The following ACMSD variants were observed in gnomAD, a reference collection of about 807,000 sequenced individuals.
ACMSD encodes the protein 2-amino-3-carboxymuconate-6-semialdehyde decarboxylase.
In ACMSD, 37 loss-of-function variants were observed where a neutral mutation model predicts 45.9. The ratio of observed to expected loss-of-function variants is 0.81; its 90% CI spans 0.62 to 1.06. ACMSD has a LOEUF of 1.06. Among genes scored for constraint, ACMSD ranks in the 50% least tolerant of loss-of-function variants. The pLI, the probability that ACMSD is intolerant of heterozygous loss-of-function variation, is 0.00. For missense variants in ACMSD, 434 were observed against 420.9 expected (o/e 1.03, Z -0.27); for synonymous variants, 138 against 148.8 (o/e 0.93, Z 0.53).
intron 2 of ACMSD, among the ~76,000 whole-genome samples, chr2:134,849,806 G>C (rs971436828): frequency 6.6e-6 from 1 of 152,178 alleles, no homozygotes; most frequent in African/African-American, 2.4e-5. Context: ...AACCTGCCAG[G>C]ATCTGCATGG....
At position 134,901,957 on chromosome 2, in the gene ACMSD, T is replaced by G. The variant is rs1690525557; in HGVS notation, c.*97T>G. ...TCAACAAAATCCTATTTTGAACTAT[T>G]TTACTCAGAAATGAATGTCCCAAAT... On this transcript the variant is annotated 3_prime_UTR_variant, in exon 10 of 10. Coordinates refer to ENST00000356140, the MANE Select transcript of ACMSD (RefSeq NM_138326.3). 4.8e-5 allele frequency: 38 copies of G among 791,650 alleles called. 1 individual carries two copies. In the East Asian group the frequency reaches 1.0e-3, roughly 22 times the overall value. 49.0% of individuals were successfully genotyped at this position (791,650 alleles called of 1,614,324 possible).
intron 8 of ACMSD, among the ~76,000 whole-genome samples, chr2:134,881,783 T>C (rs947286433): frequency 4.6e-5 from 7 of 151,500 alleles, no homozygotes; most frequent in African/African-American, 1.7e-4. Flanking sequence ...AGGTCAGGAG[T>C]TCAAGACCAG....
At chr2:134,847,855 CTTTTT>C (rs113677848) in intron 2 of ACMSD, among the ~76,000 whole-genome samples, 1 of 141,954 alleles carries the variant, frequency 7.0e-6, no homozygotes, top group Admixed American at 7.1e-5. Flanking sequence ...TCTTCTTTTT[CTTTTT>C]TTTTTTTTGA....
intron 8 of ACMSD, among the ~76,000 whole-genome samples, chr2:134,877,130 A>C (rs187589923): frequency 1.6e-4 from 24 of 152,332 alleles, no homozygotes; most frequent in Admixed American, 4.6e-4. Flanking sequence ...CACCAGCATC[A>C]CCACAAACAC....
chr2:134,891,704 A>G (rs945596674), intron 8 of ACMSD, among the ~76,000 whole-genome samples: 8 of 152,178 alleles, frequency 5.3e-5, no homozygotes, highest in African/African-American at 1.7e-4. Flanking sequence ...TAGAACTACA[A>G]TTCAATTCAG....
At chr2:134,866,964 G>A (rs1415544078) in intron 5 of ACMSD, among the ~76,000 whole-genome samples, 1 of 152,178 alleles carries the variant, frequency 6.6e-6, no homozygotes, top group Non-Finnish European at 1.5e-5. Flanking sequence ...CTGGGGATGG[G>A]TGAATGCCTG....
rs1460144043 is a variant in ACMSD, at chr2:134,901,894, A to G, written c.*34A>G. On this transcript the variant is annotated 3_prime_UTR_variant, in exon 10 of 10. Coordinates refer to ENST00000356140, the MANE Select transcript of ACMSD (RefSeq NM_138326.3). ...ACTACAAAGGCAAACTTTCAAAAGG[A>G]TATCTCATTTTTGTTTCTAAATATG... 7 of 1,532,268 alleles carry G rather than the reference A, an allele frequency of 4.6e-6. No homozygotes were observed. The highest frequency in any genetic ancestry group is 6.2e-6 in the Non-Finnish European group (7 of 1,122,398). 94.9% of individuals were successfully genotyped at this position (1,532,268 alleles called of 1,614,324 possible).
intron 3 of ACMSD, 32 bp from the exon 4 acceptor site, chr2:134,861,937 C>T (rs1351643380): frequency 6.2e-7 from 1 of 1,613,766 alleles, no homozygotes; most frequent in South Asian, 1.1e-5. Flanking sequence ...ATTCTTCTCA[C>T]CAGCTTTGCC....
intron 1 of ACMSD, 42 bp downstream of exon 1, chr2:134,838,781 C>G: frequency 6.7e-7 from 1 of 1,486,348 alleles, no homozygotes; most frequent in Non-Finnish European, 9.4e-7. Context: ...GAAACTTCTC[C>G]AGGGTTTCTC....
At chr2:134,871,907 T>C (rs991972313) in intron 7 of ACMSD, among the ~76,000 whole-genome samples, 2 of 151,922 alleles carry the variant, frequency 1.3e-5, no homozygotes, top group African/African-American at 4.8e-5. Flanking sequence ...GCTATTATAA[T>C]CACACTATAT....
chr2:134,870,837 A>G, intron 6 of ACMSD, 128 bp from the exon 7 acceptor site: 1 of 719,534 alleles, frequency 1.4e-6, no homozygotes, highest in Non-Finnish European at 2.3e-6. Flanking sequence ...TATATAATAC[A>G]GCCAAACTAT....
rs191756635 is a variant in ACMSD, at chr2:134,897,620, C to G, written c.850-721C>G. Among the ~76,000 whole-genome samples the G allele has an allele frequency of 2.3e-3, 352 of 152,154 alleles. 13 individuals carry two copies. The highest frequency in any genetic ancestry group is 0.021 in the Admixed American group (319 of 15,282). ...TAAATTGCCATTATTGACATAATAT[C>G]TTTCTCACTTGATTATGAGTTCCTT... On this transcript the variant is annotated intron_variant, in intron 8 of 9. Coordinates refer to ENST00000356140, the MANE Select transcript of ACMSD (RefSeq NM_138326.3).
intron 2 of ACMSD, among the ~76,000 whole-genome samples, chr2:134,857,527 C>G (rs1464648488): frequency 6.6e-6 from 1 of 152,036 alleles, no homozygotes; most frequent in Non-Finnish European, 1.5e-5. Flanking sequence ...TTTTATATAT[C>G]AATTTTGTAT....
intron 9 of ACMSD, among the ~76,000 whole-genome samples, chr2:134,898,971 G>A (rs966185042): frequency 5.9e-5 from 9 of 151,914 alleles, no homozygotes; most frequent in African/African-American, 1.7e-4. Flanking sequence ...AAACCAAGAT[G>A]AGTTTAAAAT....
chr2:134,878,447 C>T (rs888617385), intron 8 of ACMSD, among the ~76,000 whole-genome samples: 8 of 152,170 alleles, frequency 5.3e-5, no homozygotes, highest in Non-Finnish European at 1.2e-4. Flanking sequence ...CAGCCTCAGT[C>T]CCCTAAGTAG....
chr2:134,889,527 A>C (rs1344173630), intron 8 of ACMSD, among the ~76,000 whole-genome samples: 1 of 152,188 alleles, frequency 6.6e-6, no homozygotes, highest in Non-Finnish European at 1.5e-5. Flanking sequence ...CAGGTCAAAA[A>C]TAGTTTTAAA....
At chr2:134,866,963 G>C (rs1395513486) in intron 5 of ACMSD, among the ~76,000 whole-genome samples, 1 of 152,184 alleles carries the variant, frequency 6.6e-6, no homozygotes, top group East Asian at 1.9e-4. Flanking sequence ...TCTGGGGATG[G>C]GTGAATGCCT....
At chr2:134,863,349 A>C (rs779507549) in intron 4 of ACMSD, 46 bp from the exon 5 acceptor site, 2 of 1,556,538 alleles carry the variant, frequency 1.3e-6, no homozygotes, top group South Asian at 1.1e-5. Flanking sequence ...TGTCTAAAAG[A>C]AGTAGGTTTT....
chr2:134,876,329 C>G (rs1688729768), intron 8 of ACMSD, among the ~76,000 whole-genome samples: 1 of 152,134 alleles, frequency 6.6e-6, no homozygotes, highest in South Asian at 2.1e-4. Flanking sequence ...AACTTTTTGA[C>G]TCTTAATAAC....
Sources: allele counts gnomAD v4.1 joint callset (sites outside exome capture counted in the v4.1 genomes callset), GRCh38; gene constraint gnomAD v4.1.1; transcripts MANE v1.5; gene names NCBI Gene and HGNC (gene_info 2026-07-23, HGNC 2026-07-21).